SHCBP1: variants seen among roughly 807,000 people sequenced by gnomAD.
The protein encoded by SHCBP1 is SHC binding and spindle associated 1.
In SHCBP1, 60 loss-of-function variants were observed where a neutral mutation model predicts 75.1. The observed-to-expected ratio is 0.80, with a 90% confidence interval of 0.65 to 0.99. The LOEUF (loss-of-function observed/expected upper bound fraction) is 0.99, where lower values mean the gene tolerates loss of function less well. Ranked by LOEUF, SHCBP1 falls within the 50% of genes least tolerant of loss-of-function variation. The probability of loss-of-function intolerance (pLI) is 0.00; values close to 1 mark genes in which losing one functional copy is unlikely to be tolerated. For missense variants in SHCBP1, 709 were observed against 809.4 expected, an observed-to-expected ratio of 0.88 and a Z score of 1.50; for synonymous variants, 290 against 293.2, an observed-to-expected ratio of 0.99 and a Z score of 0.11.
At chr16:46,585,228 T>C (rs1384331475) in intron 10 of SHCBP1, among the ~76,000 whole-genome samples, 1 of 152,124 alleles carries the variant, frequency 6.6e-6, no homozygotes, top group Non-Finnish European at 1.5e-5. Flanking sequence ...TCAAAATATG[T>C]TATGAAAAGG....
chr16:46,603,001 G>T (rs1165660424), intron 8 of SHCBP1, among the ~76,000 whole-genome samples: 1 of 152,186 alleles, frequency 6.6e-6, no homozygotes, highest in Non-Finnish European at 1.5e-5. Context: ...AAGACACAAA[G>T]TGTAGCATTT....
intron 5 of SHCBP1, among the ~76,000 whole-genome samples, chr16:46,607,545 AGGGGAAAAAAATCATCTTTCAAACGG>A (rs1017569241): frequency 3.3e-5 from 5 of 152,214 alleles, no homozygotes; most frequent in Admixed American, 6.5e-5. Flanking sequence ...TCTTTCACAC[AGGGGAAAAAAATCATCTTTCAAACGG>A]GGGGAAAAAA....
rs766551014 is a variant in SHCBP1, at chr16:46,616,050, C to T, written c.492G>A (p.Glu164=). ...ACCGATGCTCCTTCAGATCAAGGAG[C>T]TCCTTCATGCACTCCATGGTAAAAG... ...VSTFTMECMK[E]LLDLKEHRLP... Residue 164 remains glutamate, a synonymous_variant, in exon 4 of 13, where the codon GAG becomes GAA. Transcript: ENST00000303383. This position sits in a 1 kb window ranked among gnomAD's most constrained non-coding sequence, Gnocchi z 4.4. 1 of 1,614,238 alleles carries T rather than the reference C, an allele frequency of 6.2e-7. No individual in the cohort carries two copies. The highest frequency in any genetic ancestry group is 1.1e-5 in the South Asian group (1 of 91,088).
At chr16:46,607,142 G>C (rs958463173) in intron 5 of SHCBP1, among the ~76,000 whole-genome samples, 2 of 152,114 alleles carry the variant, frequency 1.3e-5, no homozygotes, top group Non-Finnish European at 1.5e-5. Flanking sequence ...ATCACTTGAG[G>C]TCAGGAGTTC....
At chr16:46,591,596 G>A (rs1965048786) in intron 10 of SHCBP1, among the ~76,000 whole-genome samples, 1 of 150,836 alleles carries the variant, frequency 6.6e-6, no homozygotes, top group South Asian at 2.1e-4. Context: ...CTCAACAATT[G>A]GCAGAAAAAA....
chr16:46,593,016 T>C (rs1217534428), intron 10 of SHCBP1, among the ~76,000 whole-genome samples: 1 of 109,746 alleles, frequency 9.1e-6, no homozygotes, highest in Non-Finnish European at 1.9e-5. Context: ...TCTAAAAACC[T>C]GGTCAACCTT....
At chr16:46,582,096 C>A (rs1417698782) in intron 12 of SHCBP1, 42 bp from the exon 13 acceptor site, 5 of 1,540,940 alleles carry the variant, frequency 3.2e-6, no homozygotes, top group Middle Eastern at 1.7e-4. Context: ...AATATACAAG[C>A]TAACCCAACA....
chr16:46,609,593 A>G (rs1257090181), intron 4 of SHCBP1, among the ~76,000 whole-genome samples: 1 of 151,660 alleles, frequency 6.6e-6, no homozygotes, highest in African/African-American at 2.4e-5. Flanking sequence ...CTGGGATTAC[A>G]GGCAACCGCC....
At chr16:46,608,749 A>G (rs1965362841) in intron 4 of SHCBP1, among the ~76,000 whole-genome samples, 1 of 151,476 alleles carries the variant, frequency 6.6e-6, no homozygotes, top group South Asian at 2.1e-4. Context: ...GATGGCACCC[A>G]CCACCACACC....
chr16:46,610,043 T>C (rs1241872962), intron 4 of SHCBP1, among the ~76,000 whole-genome samples: 1 of 151,394 alleles, frequency 6.6e-6, no homozygotes, highest in Non-Finnish European at 1.5e-5. Context: ...CTCCAGCTCC[T>C]GGGTTCAAGT....
At chr16:46,599,778 C>A in intron 9 of SHCBP1, 53 bp downstream of exon 9, 1 of 1,484,282 alleles carries the variant, frequency 6.7e-7, no homozygotes, top group South Asian at 1.3e-5. Context: ...TAGAGAGAAC[C>A]GTTTACCTTC....
At chr16:46,618,831 G>T (rs543101337) in intron 1 of SHCBP1, among the ~76,000 whole-genome samples, 13 of 152,194 alleles carry the variant, frequency 8.5e-5, no homozygotes, top group Non-Finnish European at 1.8e-4. Flanking sequence ...TTTTAATTCA[G>T]TGGAAATCAC....
Position 46,579,130 on chromosome 16 carries a change from T to C in SHCBP1, c.*2599A>G, listed in dbSNP as rs997303337. On this transcript the variant is annotated 3_prime_UTR_variant, in exon 13 of 13. Transcript: ENST00000303383. ...AAATAAAATACTCAAATCAGCAAAA[T>C]AGAATTTTGCTACCTGCCATAAATT... Among the ~76,000 whole-genome samples, 17 of 152,224 alleles carry C rather than the reference T, an allele frequency of 1.1e-4. No individual in the cohort carries two copies. The highest frequency in any genetic ancestry group is 2.2e-4 in the Non-Finnish European group (15 of 67,996).
intron 4 of SHCBP1, among the ~76,000 whole-genome samples, chr16:46,611,614 T>C (rs925521674): frequency 2.0e-5 from 3 of 152,242 alleles, no homozygotes; most frequent in Non-Finnish European, 4.4e-5. Flanking sequence ...GGGGTCTTTA[T>C]TTAGAAGTTT....
chr16:46,597,108 A>C (rs148951097), intron 9 of SHCBP1, among the ~76,000 whole-genome samples: 363 of 152,320 alleles, frequency 2.4e-3, no homozygotes, highest in Non-Finnish European at 2.7e-3. Flanking sequence ...AATAAAGGAA[A>C]TATCACAATT....
chr16:46,597,408 C>CA (rs542131877), intron 9 of SHCBP1, among the ~76,000 whole-genome samples: 5 of 149,042 alleles, frequency 3.4e-5, no homozygotes, highest in Admixed American at 6.7e-5. Context: ...TCTCTAAAAA[C>CA]AAAAAAAAAT....
At chr16:46,607,755 G>A (rs189381710) in intron 5 of SHCBP1, among the ~76,000 whole-genome samples, 6 of 152,188 alleles carry the variant, frequency 3.9e-5, no homozygotes, top group African/African-American at 1.4e-4. Context: ...ATTTAATAAG[G>A]TCATTAAGAT....
At chr16:46,599,366 T>A (rs1212301657) in intron 9 of SHCBP1, among the ~76,000 whole-genome samples, 1 of 152,128 alleles carries the variant, frequency 6.6e-6, no homozygotes, top group African/African-American at 2.4e-5. Context: ...AATTTCAATA[T>A]TGCTGTGTCT....
In SHCBP1 at chr16:46,579,102, C is replaced by T. The variant is rs1964833430; in HGVS notation, c.*2627G>A. ...AAGAAGGGAAATACATCTAAAGAAG[C>T]TAAAATAAAATACTCAAATCAGCAA... is the stretch of plus-strand genomic sequence containing the variant. On this transcript the variant is annotated 3_prime_UTR_variant, in exon 13 of 13. Coordinates refer to ENST00000303383, the MANE Select transcript of SHCBP1 (RefSeq NM_024745.5). Among the ~76,000 whole-genome samples, 2 of 152,138 alleles carry T rather than the reference C, an allele frequency of 1.3e-5. No individual in the cohort carries two copies. Among genetic ancestry groups the T allele is most frequent in the South Asian group, 2.1e-4 (1 of 4,826 alleles).
Sources: allele counts gnomAD v4.1 joint callset (sites outside exome capture counted in the v4.1 genomes callset), GRCh38; gene constraint gnomAD v4.1.1; non-coding constraint Gnocchi (gnomAD v3.1); transcripts MANE v1.5; gene names NCBI Gene and HGNC (gene_info 2026-07-23, HGNC 2026-07-21).